The following RPTOR variants were observed in gnomAD, a reference collection of about 807,000 sequenced individuals.
RPTOR encodes regulatory-associated protein of mTOR.
RPTOR carries 21 observed loss-of-function variants against 169.9 expected under a neutral mutation model. The observed-to-expected ratio is 0.12, with a 90% confidence interval of 0.09 to 0.18. The LOEUF is 0.18. RPTOR is among the 10% of genes least tolerant of loss of function. The probability of loss-of-function intolerance (pLI) is 1.00; values close to 1 mark genes in which losing one functional copy is unlikely to be tolerated. For synonymous variants in RPTOR, 732 were observed against 753.2 expected (o/e 0.97, Z 0.46); for missense variants, 1,133 against 1,855.9 (o/e 0.61, Z 7.16).
At chr17:80,703,601 T>G (rs2066119498) in intron 3 of RPTOR, among the ~76,000 whole-genome samples, 1 of 152,128 alleles carries the variant, frequency 6.6e-6, no homozygotes, top group South Asian at 2.1e-4. Context: ...AAAGTTTTTT[T>G]TGAGTCCTAC....
chr17:80,700,694 G>GTAGAGA (rs2066086199), intron 3 of RPTOR, among the ~76,000 whole-genome samples: 2 of 91,190 alleles, frequency 2.2e-5, no homozygotes, highest in Non-Finnish European at 4.9e-5. Context: ...GGTGGTGATG[G>GTAGAGA]TGATGGTGGT....
intron 3 of RPTOR, among the ~76,000 whole-genome samples, chr17:80,687,006 G>A (rs916477780): frequency 1.3e-5 from 2 of 152,150 alleles, no homozygotes; most frequent in African/African-American, 4.8e-5. Flanking sequence ...CCAGAGAGTG[G>A]AATCTGTCTG....
At chr17:80,571,193 T>C (rs1267809537) in intron 1 of RPTOR, among the ~76,000 whole-genome samples, 1 of 152,226 alleles carries the variant, frequency 6.6e-6, no homozygotes, top group Non-Finnish European at 1.5e-5. Context: ...GTTTAGTTAA[T>C]TATACAGAAA....
At chr17:80,752,610 G>C (rs560660693) in intron 5 of RPTOR, among the ~76,000 whole-genome samples, 1 of 152,188 alleles carries the variant, frequency 6.6e-6, no homozygotes, top group Non-Finnish European at 1.5e-5. Context: ...GTGGATTACC[G>C]AAATGGCCAC....
chr17:80,890,511 G>T (rs2068307820), intron 17 of RPTOR, among the ~76,000 whole-genome samples: 1 of 139,958 alleles, frequency 7.1e-6, no homozygotes. Context: ...CGCACACTGG[G>T]CCATGGCCCT....
intron 1 of RPTOR, among the ~76,000 whole-genome samples, chr17:80,582,951 A>C: frequency 7.0e-6 from 1 of 142,434 alleles, no homozygotes; most frequent in African/African-American, 2.6e-5. Flanking sequence ...CCACTCTATC[A>C]CCCAGGCTTG....
chr17:80,606,701 A>T (rs1264957558), intron 1 of RPTOR, among the ~76,000 whole-genome samples: 1 of 152,076 alleles, frequency 6.6e-6, no homozygotes, highest in Non-Finnish European at 1.5e-5. Context: ...GTCTGAATGG[A>T]TCTGTCTACT....
intron 24 of RPTOR, among the ~76,000 whole-genome samples, chr17:80,930,418 CCTCAGCTCATCCTCATCCCCAG>C (rs2068877876): frequency 2.9e-4 from 8 of 27,904 alleles, no homozygotes; most frequent in African/African-American, 7.4e-4. Flanking sequence ...CCCAGCTCAT[CCTCAGCTCATCCTCATCCCCAG>C]CTCATCCTCA....
At chr17:80,711,765 TTA>T (rs1567870215) in intron 4 of RPTOR, among the ~76,000 whole-genome samples, 1 of 102,254 alleles carries the variant, frequency 9.8e-6, no homozygotes, top group Non-Finnish European at 2.5e-5. Context: ...TTTTTTGAGG[TTA>T]AGTCTCCCTC....
intron 1 of RPTOR, among the ~76,000 whole-genome samples, chr17:80,557,716 G>A (rs2084428391): frequency 6.6e-6 from 1 of 152,004 alleles, no homozygotes; most frequent in Admixed American, 6.6e-5. Context: ...CTTGAGGTCA[G>A]GAGTTTGAGA....
Position 80,937,187 on chromosome 17 carries a change from C to T in RPTOR, c.2920-3309C>T, listed in dbSNP as rs111873458. The stretch of plus-strand genomic sequence containing the variant: ...AGAGGGAGGGAGCTGGCAGTGTGAG[C>T]GTTTAATGTGTTAGCGATCTTTTCC... On this transcript the variant is annotated intron_variant, in intron 24 of 33. Transcript: ENST00000306801. 5.0e-4 allele frequency among the ~76,000 whole-genome samples: 76 copies of T among 152,220 alleles called. 1 individual carries two copies. The highest frequency in any genetic ancestry group is 1.7e-3 in the African/African-American group (72 of 41,530).
intron 5 of RPTOR, among the ~76,000 whole-genome samples, chr17:80,744,627 AGAGCCCTGG>A (rs2066545846): frequency 2.4e-5 from 1 of 41,346 alleles, no homozygotes; most frequent in African/African-American, 1.6e-4. Flanking sequence ...GGTTACTAGC[AGAGCCCTGG>A]CTACTAGCAC....
intron 7 of RPTOR, among the ~76,000 whole-genome samples, chr17:80,807,754 A>C (rs552811812): frequency 1.3e-5 from 2 of 151,746 alleles, no homozygotes; most frequent in Non-Finnish European, 2.9e-5. Context: ...TTGGCTTGTT[A>C]ATTTTATATT....
intron 21 of RPTOR, chr17:80,909,520 C>T (rs1460856423): frequency 6.6e-6 from 1 of 152,250 alleles, no homozygotes; most frequent in African/African-American, 2.4e-5. Flanking sequence ...AGGTGCACAC[C>T]ACCACACCCG....
At chr17:80,579,170 T>TTTTATTTATTTATTTG (rs963066873) in intron 1 of RPTOR, among the ~76,000 whole-genome samples, 1 of 152,148 alleles carries the variant, frequency 6.6e-6, no homozygotes, top group Non-Finnish European at 1.5e-5. Flanking sequence ...CTTCCTGATC[T>TTTTATTTATTTATTTG]TTTATTTATT....
chr17:80,674,316 T>G (rs1243409963), intron 3 of RPTOR, among the ~76,000 whole-genome samples: 1 of 152,218 alleles, frequency 6.6e-6, no homozygotes, highest in East Asian at 1.9e-4. Flanking sequence ...TGAAAACCCT[T>G]TGTACATTTC....
chr17:80,630,245 T>G (rs774859384), intron 2 of RPTOR, among the ~76,000 whole-genome samples: 57 of 152,240 alleles, frequency 3.7e-4, no homozygotes, highest in Non-Finnish European at 5.9e-5. Flanking sequence ...TAAATTTTAA[T>G]TGCATGCTGG....
intron 14 of RPTOR, among the ~76,000 whole-genome samples, 194 bp from the exon 15 acceptor site, chr17:80,883,225 G>C (rs1024817464): frequency 2.0e-4 from 30 of 152,228 alleles, no homozygotes; most frequent in Admixed American, 1.9e-3. Flanking sequence ...AGGCGAGCCT[G>C]GAGCTCTAAG....
chr17:80,919,010 G>A (rs1421102347), intron 21 of RPTOR, among the ~76,000 whole-genome samples: 1 of 152,182 alleles, frequency 6.6e-6, no homozygotes, highest in African/African-American at 2.4e-5. Context: ...AGGAGGGAAG[G>A]AGCTGGTGGG....
Sources: gnomAD v4.1 joint callset for allele counts (sites outside exome capture counted in the v4.1 genomes callset) on GRCh38, gnomAD v4.1.1 for gene constraint, MANE v1.5 for transcripts, NCBI Gene and HGNC (gene_info 2026-07-23, HGNC 2026-07-21) for gene names.